The following ZNF717 variants were observed in gnomAD, a reference collection of about 807,000 sequenced individuals.
The protein encoded by ZNF717 is zinc finger protein 717.
ZNF717 carries 9 observed loss-of-function variants against 13.8 expected under a neutral mutation model. That is an observed-to-expected ratio of 0.65 (90% CI 0.39 to 1.14). The LOEUF is 1.14. ZNF717 is among the 50% of genes most tolerant of loss of function. The pLI is 0.01. For missense variants in ZNF717, 1,040 were observed against 1,080.7 expected (o/e 0.96, Z 0.53); for synonymous variants, 327 against 364.1 (o/e 0.90, Z 1.16).
In ZNF717 at chr3:75,738,357, G is replaced by C. The variant is rs1939785753; in HGVS notation, c.1266C>G (p.Pro422=). The C allele has an allele frequency of 2.0e-6, 3 of 1,533,910 alleles. No individual in the cohort carries two copies. The highest frequency in any genetic ancestry group is 2.6e-6 in the Non-Finnish European group (3 of 1,134,738). The change falls in exon 5 of 5, where the codon CCC becomes CCG. Residue 422 remains proline (P), a synonymous_variant. Transcript: ENST00000652011. ...IHHRTHTGEK[P]YACDHCEEAF... ...CTTCTTCACAATGGTCACATGCATA[G>C]GGCTTTTCCCCTGTGTGAGTTCTAT...
At chr3:75,728,172 CA>C, downstream of ZNF717, among the ~76,000 whole-genome samples, 1 of 152,246 alleles carries the variant, frequency 6.6e-6, no homozygotes, top group African/African-American at 2.4e-5. Flanking sequence ...ATGATGTTCA[CA>C]AAACAAAAAT....
chr3:75,764,703 A>C (rs1212239463), intron 2 of ZNF717, among the ~76,000 whole-genome samples: 1 of 152,250 alleles, frequency 6.6e-6, no homozygotes. Context: ...TCATTAGAGA[A>C]ATGCAAATAG....
downstream of ZNF717, among the ~76,000 whole-genome samples, chr3:75,734,817 A>ATTTTT (rs545474632): frequency 3.5e-5 from 2 of 57,550 alleles, no homozygotes; most frequent in African/African-American, 1.3e-4. Context: ...ATATATATAT[A>ATTTTT]TTTTTTTTTT....
chr3:75,736,712 T>C lies in ZNF717; in HGVS notation c.*166A>G, dbSNP rs1265843610. On this transcript the variant is annotated 3_prime_UTR_variant, in exon 5 of 5. Coordinates refer to ENST00000652011, the MANE Select transcript of ZNF717 (RefSeq NM_001290208.3). ...TGACATTAAAGTGCAAAGTGTGCTG[T>C]AAAAATGGGAACAACAAAGCCTGCA... The C allele has an allele frequency of 5.8e-6, 4 of 686,758 alleles. No individual in the cohort carries two copies. In the South Asian group the frequency reaches 1.0e-4, roughly 17 times the overall value. The allele number at this position is 686,758 out of a possible 1,614,324, so 42.5% of individuals were successfully genotyped here.
At chr3:75,777,007 C>A (rs1409131255) in intron 2 of ZNF717, among the ~76,000 whole-genome samples, 1 of 152,208 alleles carries the variant, frequency 6.6e-6, no homozygotes, top group Admixed American at 6.5e-5. Context: ...GGAGCATATG[C>A]CAAATTCTTG....
chr3:75,775,413 A>G (rs1311265730), intron 2 of ZNF717, among the ~76,000 whole-genome samples: 19 of 152,116 alleles, frequency 1.2e-4, no homozygotes, highest in Non-Finnish European at 1.8e-4. Flanking sequence ...GCAAAATTCT[A>G]GAATATGGTG....
chr3:75,697,319 C>T (rs1937614499), intron 6 of ZNF717, among the ~76,000 whole-genome samples: 1 of 152,420 alleles, frequency 6.6e-6, no homozygotes, highest in Non-Finnish European at 1.5e-5. Flanking sequence ...TATGTGTCCC[C>T]TCCCAAATCT....
chr3:75,707,274 T>A (rs1575714048), downstream of ZNF717, among the ~76,000 whole-genome samples: 1 of 152,166 alleles, frequency 6.6e-6, no homozygotes, highest in Non-Finnish European at 1.5e-5. Context: ...TCTTGCCATA[T>A]GAGTTATTAA....
downstream of ZNF717, among the ~76,000 whole-genome samples, chr3:75,706,658 A>C: frequency 6.6e-6 from 1 of 152,312 alleles, no homozygotes; most frequent in East Asian, 1.9e-4. Flanking sequence ...CAAGGGAGCC[A>C]TCATCAGAGC....
chr3:75,738,367 C>T lies in ZNF717; in HGVS notation c.1256G>A (p.Gly419Glu). The T allele has an allele frequency of 1.9e-6, 3 of 1,541,828 alleles. No homozygotes were observed. The highest frequency in any genetic ancestry group is 2.0e-5 in the Admixed American group (1 of 50,484). ...YLTIHHRTHT[G>E]EKPYACDHCE... ...ATGGTCACATGCATAGGGCTTTTCC[C>T]CTGTGTGAGTTCTATGATGTATTGT... Residue 419 changes from glycine to glutamate, a missense_variant, in exon 5 of 5, where the codon GGG becomes GAG. Transcript: ENST00000652011.
intron 2 of ZNF717, among the ~76,000 whole-genome samples, chr3:75,769,245 C>A (rs1943721915): frequency 1.3e-5 from 2 of 152,110 alleles, no homozygotes; most frequent in South Asian, 2.1e-4. Context: ...CTTGGACACA[C>A]ACCCTGGGAG....
intron 6 of ZNF717, among the ~76,000 whole-genome samples, chr3:75,697,344 A>G (rs1937614720): frequency 6.6e-6 from 1 of 152,312 alleles, no homozygotes; most frequent in African/African-American, 2.4e-5. Flanking sequence ...TTTAAATGTA[A>G]TTCTCAATGT....
Position 75,738,561 on chromosome 3 carries a change from G to A in ZNF717, c.1062C>T (p.Leu354=), listed in dbSNP as rs370446336. ...CTGTGTGAGTTCTCTCATGTAAAGT[G>A]AGGAATGACTTACGGCGAAAGGTTT... is the stretch of plus-strand genomic sequence containing the variant. The part of the protein sequence containing the change: ...CGKTFRRKSF[L]TLHERTHTGD... The change falls in exon 5 of 5, where the codon CTC becomes CTT. Residue 354 remains leucine (L), a synonymous_variant. Transcript: ENST00000652011. The A allele has an allele frequency of 6.5e-7, 1 of 1,541,760 alleles. No homozygotes were observed. The highest frequency in any genetic ancestry group is 2.5e-5 in the East Asian group (1 of 40,590).
chr3:75,783,335 G>C lies in ZNF717; in HGVS notation c.28C>G (p.Gln10Glu). The C allele has an allele frequency of 6.4e-7, 1 of 1,551,256 alleles. No homozygotes were observed. The highest frequency in any genetic ancestry group is 8.7e-7 in the Non-Finnish European group (1 of 1,146,644). The change falls in exon 2 of 5, where the codon CAA (glutamine) becomes GAA (glutamate). Residue 10 changes from glutamine (Q) to glutamate (E), a missense_variant. This residue lies in a region of ZNF717 where 123 missense variants were observed against 177.8 expected (regional missense o/e 0.69). Transcript: ENST00000652011. Reference protein sequence around the residue: MFPVFSGCFQELQEKNKSLE... With the variant: MFPVFSGCFEELQEKNKSLE... ...GATTTATTCTTTTCTTGTAGCTCTT[G>C]GAAACAGCCAGAGAACACTGGAAAC... is the stretch of plus-strand genomic sequence containing the variant.
chr3:75,781,497 A>C (rs1390435759), intron 2 of ZNF717, among the ~76,000 whole-genome samples: 3 of 152,308 alleles, frequency 2.0e-5, no homozygotes, highest in Non-Finnish European at 4.4e-5. Context: ...GAATTTCCAG[A>C]TCATGAACAG....
At chr3:75,768,797 C>A (rs7431564) in intron 2 of ZNF717, among the ~76,000 whole-genome samples, 24,810 of 150,118 alleles carry the variant, frequency 0.17, 2,041 homozygotes, top group African/African-American at 0.17. Context: ...AGATGACAGG[C>A]CACCACAACC....
intron 4 of ZNF717, among the ~76,000 whole-genome samples, chr3:75,724,797 C>G (rs1407900359): frequency 6.6e-6 from 1 of 151,272 alleles, no homozygotes; most frequent in Non-Finnish European, 1.5e-5. Flanking sequence ...AAGCAGAGAA[C>G]AAAAACAAGC....
At chr3:75,699,544 G>T (rs1290066471) in intron 6 of ZNF717, among the ~76,000 whole-genome samples, 1 of 152,282 alleles carries the variant, frequency 6.6e-6, no homozygotes, top group Non-Finnish European at 1.5e-5. Context: ...ACAAGTGTGT[G>T]TAGCACCTCC....
intron 2 of ZNF717, among the ~76,000 whole-genome samples, chr3:75,766,353 A>T (rs1943465750): frequency 6.6e-6 from 1 of 152,196 alleles, no homozygotes; most frequent in Non-Finnish European, 1.5e-5. Flanking sequence ...TGGTATCCAG[A>T]CACTAATCAT....
Sources: gnomAD v4.1 joint callset for allele counts (sites outside exome capture counted in the v4.1 genomes callset) on GRCh38, gnomAD v4.1.1 for gene constraint, gnomAD v4.1.1 regional missense constraint, MANE v1.5 for transcripts, NCBI Gene and HGNC (gene_info 2026-07-23, HGNC 2026-07-21) for gene names.